SLC13A3: variants seen among roughly 807,000 people sequenced by gnomAD.
SLC13A3 encodes Na(+)/dicarboxylate cotransporter 3.
In SLC13A3, 40 loss-of-function variants were observed where a neutral mutation model predicts 59.0. The ratio of observed to expected loss-of-function variants is 0.68; its 90% confidence interval spans 0.53 to 0.88. The LOEUF is 0.88. Ranked by LOEUF, SLC13A3 falls within the 40% of genes least tolerant of loss-of-function variation. SLC13A3 has a pLI of 0.00. For missense variants in SLC13A3, 699 were observed against 783.2 expected (o/e 0.89, Z 1.28); for synonymous variants, 317 against 330.3 (o/e 0.96, Z 0.44).
At chr20:46,583,048 C>G in intron 9 of SLC13A3, 1 of 985,788 alleles carries the variant, frequency 1.0e-6, no homozygotes, top group Non-Finnish European at 1.2e-6. Flanking sequence ...CCTGGGCAAC[C>G]AAGGTGCAAC....
Position 46,622,666 on chromosome 20 carries a change from GTGTC to G in SLC13A3, c.112-8945_112-8942del, listed in dbSNP as rs1238639564. Among the ~76,000 whole-genome samples the G allele has an allele frequency of 4.0e-5, 5 of 124,008 alleles. No homozygotes were observed. The East Asian group carries it at 1.1e-3, about 27-fold the overall frequency. 81.4% of individuals were successfully genotyped at this position (124,008 alleles called of 152,430 possible). A position where few individuals can be genotyped will look rare whatever the true frequency, so the allele number is the denominator to read the frequency against. On this transcript the variant is annotated intron_variant, in intron 1 of 12. Transcript: ENST00000279027. ...TGTGTGTGTGTGTGTGTGTGTGTGT[GTGTC>G]TGATACTCATGAATAGCAACAAAGT... is the stretch of plus-strand genomic sequence containing the variant.
intron 10 of SLC13A3, among the ~76,000 whole-genome samples, chr20:46,573,131 TTATG>T (rs940937315): frequency 6.6e-5 from 10 of 152,234 alleles, no homozygotes; most frequent in African/African-American, 1.7e-4. Context: ...GTATCGTTAT[TTATG>T]TGTTTTTTAA....
upstream of SLC13A3, among the ~76,000 whole-genome samples, chr20:46,655,813 A>ATATACTATATATACTATACAGTATATAT (rs1223905325): frequency 2.1e-5 from 3 of 144,034 alleles, no homozygotes; most frequent in African/African-American, 5.1e-5. Context: ...ATAATACTGT[A>ATATACTATATATACTATACAGTATATAT]TATACTATAT....
intron 5 of SLC13A3, among the ~76,000 whole-genome samples, chr20:46,595,802 T>C (rs1369120656): frequency 6.6e-6 from 1 of 152,180 alleles, no homozygotes. Flanking sequence ...GCTCATTCCC[T>C]TCTAGGTCTC....
At chr20:46,600,933 T>A (rs56211974) in intron 3 of SLC13A3, among the ~76,000 whole-genome samples, 1 of 152,192 alleles carries the variant, frequency 6.6e-6, no homozygotes, top group African/African-American at 2.4e-5. Flanking sequence ...CACTGTGTGC[T>A]GATGGCCTCG....
At chr20:46,588,726 G>A (rs969886615) in intron 7 of SLC13A3, among the ~76,000 whole-genome samples, 4 of 152,076 alleles carry the variant, frequency 2.6e-5, no homozygotes, top group Non-Finnish European at 5.9e-5. Context: ...TGGAGAGCAG[G>A]GCCCAGAGAG....
intron 3 of SLC13A3, among the ~76,000 whole-genome samples, chr20:46,603,782 C>T (rs1002928986): frequency 2.0e-5 from 3 of 151,802 alleles, no homozygotes; most frequent in Non-Finnish European, 4.4e-5. Flanking sequence ...CTATTCTTAG[C>T]TCCCAGGCTG....
chr20:46,582,587 A>C, intron 9 of SLC13A3: 1 of 965,726 alleles, frequency 1.0e-6, no homozygotes. Flanking sequence ...TGGGTGACAG[A>C]GTGAGACCCC....
chr20:46,604,752 G>A (rs900192744), intron 3 of SLC13A3, among the ~76,000 whole-genome samples: 4 of 152,192 alleles, frequency 2.6e-5, no homozygotes, highest in Non-Finnish European at 4.4e-5. Flanking sequence ...CCCTGAGCAC[G>A]AGTGCTGGGA....
At chr20:46,681,577 T>C (rs985199143) in intron 1 of SLC13A3, 4 of 152,144 alleles carry the variant, frequency 2.6e-5, no homozygotes, top group Non-Finnish European at 5.9e-5. Context: ...TTGCGGTGCC[T>C]AGAATTAAAG....
chr20:46,587,560 G>A (rs2062206916), intron 8 of SLC13A3, among the ~76,000 whole-genome samples: 1 of 152,160 alleles, frequency 6.6e-6, no homozygotes, highest in South Asian at 2.1e-4. Context: ...GCTTTCATCT[G>A]CAGTCTTCCT....
At chr20:46,567,643 G>A (rs1048526019) in intron 10 of SLC13A3, among the ~76,000 whole-genome samples, 1 of 151,924 alleles carries the variant, frequency 6.6e-6, no homozygotes, top group Non-Finnish European at 1.5e-5. Context: ...GACTCCACTC[G>A]CCTGTCAGTG....
chr20:46,667,993 A>G (rs2063070836), intron 1 of SLC13A3, among the ~76,000 whole-genome samples: 1 of 152,168 alleles, frequency 6.6e-6, no homozygotes, highest in Non-Finnish European at 1.5e-5. Context: ...AAGACGGCAA[A>G]TTTAGTGGAT....
chr20:46,665,224 T>C (rs1434788455), intron 1 of SLC13A3, among the ~76,000 whole-genome samples: 2 of 150,418 alleles, frequency 1.3e-5, no homozygotes, highest in Non-Finnish European at 3.0e-5. Flanking sequence ...GGTGTTTGCA[T>C]CACTGCACTC....
At chr20:46,669,201 G>C (rs1257394689) in intron 1 of SLC13A3, among the ~76,000 whole-genome samples, 1 of 152,128 alleles carries the variant, frequency 6.6e-6, no homozygotes, top group Admixed American at 6.5e-5. Context: ...GTTGAGTGAA[G>C]GAATATAACA....
At chr20:46,596,101 G>T (rs940585257) in intron 5 of SLC13A3, 56 bp downstream of exon 5, 1 of 1,506,206 alleles carries the variant, frequency 6.6e-7, no homozygotes, top group Non-Finnish European at 9.1e-7. Flanking sequence ...GAATGAAGGA[G>T]GGAAGAGGAG....
At chr20:46,595,384 C>T (rs753602616) in intron 5 of SLC13A3, among the ~76,000 whole-genome samples, 3 of 152,086 alleles carry the variant, frequency 2.0e-5, no homozygotes, top group Non-Finnish European at 2.9e-5. Context: ...AAAGCAGGAA[C>T]ATCTTTCTTT....
chr20:46,566,820 ATATAT>A (rs1159780990), intron 10 of SLC13A3, among the ~76,000 whole-genome samples: 1 of 149,758 alleles, frequency 6.7e-6, no homozygotes, highest in Non-Finnish European at 1.5e-5. Context: ...TTATTTAATA[ATATAT>A]TAATATGTAT....
intron 11 of SLC13A3, among the ~76,000 whole-genome samples, chr20:46,564,346 T>C (rs900206315): frequency 2.6e-5 from 4 of 152,250 alleles, no homozygotes; most frequent in African/African-American, 9.6e-5. Flanking sequence ...ATCACTTTTA[T>C]GGCGTTTTAC....
Sources: gnomAD v4.1 joint callset for allele counts (sites outside exome capture counted in the v4.1 genomes callset) on GRCh38, gnomAD v4.1.1 for gene constraint, MANE v1.5 for transcripts, NCBI Gene and HGNC (gene_info 2026-07-23, HGNC 2026-07-21) for gene names.